GEMIN2: variants seen among roughly 807,000 people sequenced by gnomAD.
GEMIN2 encodes the protein gem-associated protein 2.
In GEMIN2, 37 loss-of-function variants were observed where a neutral mutation model predicts 45.8. The ratio of observed to expected loss-of-function variants is 0.81; its 90% CI spans 0.62 to 1.06. GEMIN2 has a LOEUF of 1.06. Among genes scored for constraint, GEMIN2 ranks in the 50% least tolerant of loss-of-function variants. GEMIN2 has a pLI of 0.00. For synonymous variants in GEMIN2, 101 were observed against 111.5 expected, an observed-to-expected ratio of 0.91 and a Z score of 0.60; for missense variants, 335 against 321.8, an observed-to-expected ratio of 1.04 and a Z score of -0.31.
In GEMIN2 at chr14:39,132,051, G is replaced by C; in HGVS notation, c.694G>C (p.Glu232Gln). The change falls in exon 8 of 10, where the codon GAA becomes CAA. Residue 232 changes from glutamate to glutamine, a missense_variant. Coordinates refer to ENST00000308317, the MANE Select transcript of GEMIN2 (RefSeq NM_003616.3). ...LIRQLARRCS[E>Q]VRLLVDSKDD... ...TCGGCAGCTTGCAAGAAGGTGCTCT[G>C]AAGTGAGGCTCTTAGTGGTAAGTTG... The C allele has an allele frequency of 6.5e-7, 1 of 1,547,782 alleles. No individual in the cohort carries two copies. Among genetic ancestry groups the C allele is most frequent in the Non-Finnish European group, 8.9e-7 (1 of 1,119,768 alleles).
At position 39,131,946 on chromosome 14, in the gene GEMIN2, A is replaced by AT. The variant is rs200271279; in HGVS notation, c.601-3dup. ...ATTTGTCTAAATATTAATTTTTTGA[A>AT]TTTTTTTTTAGGGAAGATGGCTTTA... On this transcript the variant is annotated splice_polypyrimidine_tract_variant and intron_variant, in intron 7 of 9. Transcript: ENST00000308317. 4.3e-3 allele frequency: 5,922 copies of AT among 1,381,778 alleles called. 96 individuals carry two copies. In the African/African-American group the frequency reaches 0.052, roughly 12 times the overall value. The allele number at this position is 1,381,778 out of a possible 1,614,324, so 85.6% of individuals were successfully genotyped here.
rs539257819 is a variant in GEMIN2 at position 39,134,397 on chromosome 14, T to C, written c.770+678T>C. 5 of 152,330 alleles carry C rather than the reference T, an allele frequency of 3.3e-5. No individual in the cohort carries two copies. In the East Asian group the frequency reaches 7.7e-4, roughly 24 times the overall value. 9.4% of individuals were successfully genotyped at this position (152,330 alleles called of 1,614,324 possible). A position where few individuals can be genotyped will look rare whatever the true frequency, so the allele number is the denominator to read the frequency against. The stretch of plus-strand genomic sequence containing the variant: ...TCATGCCCGGCTAATTTTTGTAATT[T>C]TGTGGAGACGGAGTTTCACCATTAT... On this transcript the variant is annotated intron_variant, in intron 9 of 9. Coordinates refer to ENST00000308317, the MANE Select transcript of GEMIN2 (RefSeq NM_003616.3).
At chr14:39,122,980 G>GA (rs1435083469) in intron 5 of GEMIN2, among the ~76,000 whole-genome samples, 1 of 152,018 alleles carries the variant, frequency 6.6e-6, no homozygotes, top group Non-Finnish European at 1.5e-5. Context: ...AGTAGCCAGG[G>GA]AAAAAATGGA....
chr14:39,120,442 T>C (rs1050652765), intron 4 of GEMIN2, among the ~76,000 whole-genome samples: 1 of 152,186 alleles, frequency 6.6e-6, no homozygotes. Flanking sequence ...ATTTGTTTAT[T>C]AATTGATCCA....
chr14:39,117,945 G>A (rs890285414), intron 2 of GEMIN2, 54 bp from the exon 3 acceptor site: 4 of 847,846 alleles, frequency 4.7e-6, no homozygotes, highest in Non-Finnish European at 7.9e-6. Context: ...AGAGGCATGA[G>A]ATTCTAGTTT....
At chr14:39,117,627 A>G (rs1437739322) in intron 2 of GEMIN2, among the ~76,000 whole-genome samples, 5 of 152,070 alleles carry the variant, frequency 3.3e-5, no homozygotes, top group Non-Finnish European at 5.9e-5. Context: ...TTCTAACTGT[A>G]TTTCATACCA....
chr14:39,114,421 G>C lies in GEMIN2; in HGVS notation c.83G>C (p.Gly28Ala). 3 of 1,614,104 alleles carry C rather than the reference G, an allele frequency of 1.9e-6. No individual in the cohort carries two copies. The highest frequency in any genetic ancestry group is 1.7e-6 in the Non-Finnish European group (2 of 1,179,948). The change falls in exon 1 of 10, where the codon GGT becomes GCT. Residue 28 changes from glycine to alanine, a missense_variant. Gly to Ala is a moderately conservative substitution (Grantham distance 60). Coordinates refer to ENST00000308317, the MANE Select transcript of GEMIN2 (RefSeq NM_003616.3). ...LPVEPCDLTEGFDPSVPPRTP... is the reference protein window; with the variant it reads ...LPVEPCDLTEAFDPSVPPRTP... ...GTAGAGCCTTGCGACTTGACGGAAG[G>C]TTTCGATCCCTCGGTACCCCCGAGG...
In GEMIN2 at chr14:39,118,014, C is replaced by T. The variant is rs769167914; in HGVS notation, c.238C>T (p.Pro80Ser). The T allele has an allele frequency of 1.2e-6, 2 of 1,600,940 alleles. No homozygotes were observed. The highest frequency in any genetic ancestry group is 1.7e-6 in the Non-Finnish European group (2 of 1,170,704). Residue 80 changes from proline (P) to serine (S), a missense_variant, in exon 3 of 10, where the codon CCC becomes TCC. By Grantham distance (74) the Pro-to-Ser change is moderately conservative (BLOSUM62 -1). Coordinates refer to ENST00000308317, the MANE Select transcript of GEMIN2 (RefSeq NM_003616.3). ...TGATCTCTAGCTTTCAGGATGCCAA[C>T]CCGCCCCTGAAGGTTATTCCCCAAC... ...SVNISLSGCQ[P>S]APEGYSPTLQ...
chr14:39,115,449 T>G (rs1412749411), intron 2 of GEMIN2, among the ~76,000 whole-genome samples: 1 of 142,534 alleles, frequency 7.0e-6, no homozygotes, highest in Non-Finnish European at 1.5e-5. Context: ...AACCCAGATG[T>G]CTTACACTTT....
intron 5 of GEMIN2, among the ~76,000 whole-genome samples, chr14:39,123,450 A>G (rs2052598667): frequency 6.6e-6 from 1 of 151,964 alleles, no homozygotes; most frequent in Non-Finnish European, 1.5e-5. Flanking sequence ...GATGCCAAAA[A>G]TCACTTGTAA....
chr14:39,116,203 T>C (rs937280290), intron 2 of GEMIN2, among the ~76,000 whole-genome samples: 35 of 151,568 alleles, frequency 2.3e-4, no homozygotes, highest in Admixed American at 2.3e-3. Flanking sequence ...ACCTGACTAA[T>C]TTTTGTATTT....
intron 9 of GEMIN2, among the ~76,000 whole-genome samples, chr14:39,135,310 G>T (rs1343314620): frequency 6.6e-6 from 1 of 152,164 alleles, no homozygotes; most frequent in Non-Finnish European, 1.5e-5. Context: ...AAAGGACCGG[G>T]CATGGTGGCT....
chr14:39,122,409 GTTTT>G lies in GEMIN2; in HGVS notation c.373-11_373-8del, dbSNP rs60205535. On this transcript the variant is annotated splice_polypyrimidine_tract_variant and intron_variant, in intron 4 of 9. Transcript: ENST00000308317. ...AAAATTAATACACAGGAATAAATCA[GTTTT>G]TTTTTTTTTCTTTTAGCCAAAATCT... 21 of 1,029,202 alleles carry G rather than the reference GTTTT, an allele frequency of 2.0e-5. No homozygotes were observed. In the South Asian group the frequency reaches 2.5e-4, roughly 12 times the overall value. 63.8% of individuals were successfully genotyped at this position (1,029,202 alleles called of 1,614,324 possible).
chr14:39,120,857 C>A (rs2052565179), intron 4 of GEMIN2, among the ~76,000 whole-genome samples: 1 of 152,128 alleles, frequency 6.6e-6, no homozygotes, highest in South Asian at 2.1e-4. Flanking sequence ...GAACTCCTGA[C>A]CTCAGGTGAT....
Position 39,136,420 on chromosome 14 carries a change from T to C in GEMIN2, c.771-20T>C. On this transcript the variant is annotated intron_variant, in intron 9 of 9. Coordinates refer to ENST00000308317, the MANE Select transcript of GEMIN2 (RefSeq NM_003616.3). ...CAGTTAATATCTTTATACATAAATT[T>C]TTTGTTTTTTTTTTACTAGGTATTT... is the stretch of plus-strand genomic sequence containing the variant. 7.7e-7 allele frequency: 1 copy of C among 1,301,812 alleles called. No individual in the cohort carries two copies. Among genetic ancestry groups the C allele is most frequent in the Non-Finnish European group, 1.1e-6 (1 of 898,086 alleles). 80.6% of individuals were successfully genotyped at this position (1,301,812 alleles called of 1,614,324 possible). A position where few individuals can be genotyped will look rare whatever the true frequency, so the allele number is the denominator to read the frequency against.
chr14:39,133,569 T>G (rs2052747584), intron 8 of GEMIN2, 92 bp from the exon 9 acceptor site: 1 of 626,830 alleles, frequency 1.6e-6, no homozygotes, highest in African/African-American at 1.9e-5. Flanking sequence ...ATAATAAAGT[T>G]TTCATGTTTC....
chr14:39,126,753 TTTTTG>T (rs150771433), intron 6 of GEMIN2, among the ~76,000 whole-genome samples: 22 of 151,912 alleles, frequency 1.4e-4, no homozygotes, highest in East Asian at 1.4e-3. Context: ...ACTGATGGTT[TTTTTG>T]TTTTGTTTTG....
intron 7 of GEMIN2, among the ~76,000 whole-genome samples, chr14:39,129,945 T>TTG (rs1363171616): frequency 4.4e-5 from 6 of 135,452 alleles, no homozygotes; most frequent in African/African-American, 1.5e-4. Flanking sequence ...TTTTTTTTTT[T>TTG]TTTTTTTTTT....
At chr14:39,128,221 G>A (rs371750819) in intron 6 of GEMIN2, 59 bp from the exon 7 acceptor site, 8 of 928,828 alleles carry the variant, frequency 8.6e-6, no homozygotes, top group Non-Finnish European at 1.0e-5. Flanking sequence ...TGAAACTCAT[G>A]TTGAATTCAT....
Sources: allele counts gnomAD v4.1 joint callset (sites outside exome capture counted in the v4.1 genomes callset), GRCh38; gene constraint gnomAD v4.1.1; transcripts MANE v1.5; gene names NCBI Gene and HGNC (gene_info 2026-07-23, HGNC 2026-07-21).